The following NCAPG variants were observed in gnomAD, a reference collection of about 807,000 sequenced individuals.
NCAPG encodes the protein non-SMC condensin I complex subunit G, also known as condensin complex subunit 3.
Under a neutral mutation model 113.1 loss-of-function variants are expected in NCAPG, and 69 were observed. The observed-to-expected ratio is 0.61, with a 90% CI of 0.50 to 0.75. NCAPG has a LOEUF of 0.75. NCAPG is among the 30% of genes least tolerant of loss of function. The pLI is 0.00. For missense variants in NCAPG, 1,058 were observed against 1,177.0 expected, an observed-to-expected ratio of 0.90 and a Z score of 1.48; for synonymous variants, 370 against 415.8, an observed-to-expected ratio of 0.89 and a Z score of 1.34.
Position 17,822,995 on chromosome 4 carries a change from C to A in NCAPG, c.1131C>A (p.Ser377Arg), listed in dbSNP as rs140495266. Residue 377 changes from serine to arginine, a missense_variant, in exon 8 of 21, where the codon AGC becomes AGA. Ser to Arg is a moderately radical substitution (Grantham distance 110). Coordinates refer to ENST00000251496, the MANE Select transcript of NCAPG (RefSeq NM_022346.5). The stretch of plus-strand genomic sequence containing the variant: ...CTGCTTGTTTTAGTTACATCCAGAG[C>A]ATTCCAGTTGTTAATGAAGAACACA... Reference protein sequence around the residue: ...YADYLLSYIQSIPVVNEEHRG... With the variant: ...YADYLLSYIQRIPVVNEEHRG... 1 of 1,600,794 alleles carries A rather than the reference C, an allele frequency of 6.2e-7. No individual in the cohort carries two copies. Among genetic ancestry groups the A allele is most frequent in the East Asian group, 2.3e-5 (1 of 44,260 alleles).
At chr4:17,829,725 A>T (rs1721790130) in intron 12 of NCAPG, among the ~76,000 whole-genome samples, 1 of 152,246 alleles carries the variant, frequency 6.6e-6, no homozygotes, top group Non-Finnish European at 1.5e-5. Context: ...TTAATTATTC[A>T]TTGGGAAAAT....
intron 9 of NCAPG, 115 bp downstream of exon 9, chr4:17,823,885 T>G: frequency 1.3e-6 from 1 of 793,750 alleles, no homozygotes. Flanking sequence ...TTCGTCTCTT[T>G]AATGAGTTTT....
At chr4:17,818,282 A>G (rs1324652302) in intron 7 of NCAPG, among the ~76,000 whole-genome samples, 194 bp downstream of exon 7, 1 of 152,198 alleles carries the variant, frequency 6.6e-6, no homozygotes, top group Non-Finnish European at 1.5e-5. Flanking sequence ...GCAAGTCACT[A>G]TGTTTAGGAT....
chr4:17,814,805 TTAAA>T (rs755720679), intron 3 of NCAPG, 44 bp from the exon 4 acceptor site: 42 of 1,553,436 alleles, frequency 2.7e-5, no homozygotes, highest in African/African-American at 4.1e-5. Flanking sequence ...ATGACTGTAG[TTAAA>T]TAAATAATTT....
chr4:17,840,769 GTTTTC>G (rs1560234420), intron 19 of NCAPG, 76 bp downstream of exon 19: 2 of 943,408 alleles, frequency 2.1e-6, no homozygotes, highest in Non-Finnish European at 3.0e-6. Context: ...TGTTTTGCAA[GTTTTC>G]TTATCTTTGT....
At position 17,811,428 on chromosome 4, in the gene NCAPG, G is replaced by T. The variant is rs1156282785; in HGVS notation, c.111+240G>T. On this transcript the variant is annotated intron_variant, in intron 1 of 20. Coordinates refer to ENST00000251496, the MANE Select transcript of NCAPG (RefSeq NM_022346.5). This position sits in a 1 kb window ranked among gnomAD's most constrained non-coding sequence, Gnocchi z 5.3. ...ACACGGGCCCCGCCTTGGCTTTTCT[G>T]AGCCGACACCCCCAGCTTCTGGGCG... is the stretch of plus-strand genomic sequence containing the variant. Among the ~76,000 whole-genome samples the T allele has an allele frequency of 1.3e-5, 2 of 152,222 alleles. No homozygotes were observed. Among genetic ancestry groups the T allele is most frequent in the African/African-American group, 4.8e-5 (2 of 41,462 alleles).
chr4:17,821,457 C>CTTT (rs34483824), intron 7 of NCAPG, among the ~76,000 whole-genome samples: 2 of 104,486 alleles, frequency 1.9e-5, no homozygotes, highest in African/African-American at 3.6e-5. Flanking sequence ...TCACCCCCGC[C>CTTT]TTTTTTTTTT....
At chr4:17,828,440 G>A in intron 12 of NCAPG, 52 bp downstream of exon 12, 1 of 993,166 alleles carries the variant, frequency 1.0e-6, no homozygotes, top group Non-Finnish European at 1.5e-6. Flanking sequence ...TTCTTATTTT[G>A]TAAGTGATAT....
At chr4:17,840,371 G>A (rs534527494) in intron 18 of NCAPG, among the ~76,000 whole-genome samples, 162 bp downstream of exon 18, 2 of 151,578 alleles carry the variant, frequency 1.3e-5, no homozygotes, top group Non-Finnish European at 2.9e-5. Context: ...ACTGATAAAT[G>A]TTTATTCTGC....
rs1414297800 is a variant in NCAPG at position 17,844,260 on chromosome 4, T to C, written c.*835T>C. ...ATTTCTTGTCTTTTGAAATTGACAC[T>C]TGGCCTGACTTACGAAACTTGTACT... On this transcript the variant is annotated 3_prime_UTR_variant, in exon 21 of 21. Transcript: ENST00000251496. The C allele has an allele frequency of 6.6e-6, 1 of 152,436 alleles. No homozygotes were observed. The highest frequency in any genetic ancestry group is 1.5e-5 in the Non-Finnish European group (1 of 67,870). The allele number at this position is 152,436 out of a possible 1,614,324, so 9.4% of individuals were successfully genotyped here. A position where few individuals can be genotyped will look rare whatever the true frequency, so the allele number is the denominator to read the frequency against.
At chr4:17,822,960 T>G (rs1721519128) in intron 7 of NCAPG, 23 bp from the exon 8 acceptor site, 10 of 1,556,312 alleles carry the variant, frequency 6.4e-6, no homozygotes, top group African/African-American at 1.4e-5. Flanking sequence ...AAGATTCTAC[T>G]TTATTAATTC....
rs758832065 is a variant in NCAPG, at chr4:17,842,314, G to T, written c.2859G>T (p.Gln953His). 1 of 1,611,816 alleles carries T rather than the reference G, an allele frequency of 6.2e-7. No homozygotes were observed. The highest frequency in any genetic ancestry group is 8.5e-7 in the Non-Finnish European group (1 of 1,178,280). Reference sequence around the variant, plus strand: ...ATGAATTATACTATCTTCAAGGACAGAGAAAAGTGACAGTTTCAGCTAGGA... The same window carrying T: ...ATGAATTATACTATCTTCAAGGACATAGAAAAGTGACAGTTTCAGCTAGGA... ...KSTQLKTNRG[Q>H]RKVTVSARTN... Residue 953 changes from glutamine to histidine, a missense_variant, in exon 20 of 21, where the codon CAG becomes CAT. Gln to His is a conservative substitution (Grantham distance 24, BLOSUM62 0). Coordinates refer to ENST00000251496, the MANE Select transcript of NCAPG (RefSeq NM_022346.5).
Position 17,813,100 on chromosome 4 carries a change from T to C in NCAPG, c.499T>C (p.Ser167Pro). 1 of 1,614,108 alleles carries C rather than the reference T, an allele frequency of 6.2e-7. No individual in the cohort carries two copies. The highest frequency in any genetic ancestry group is 8.5e-7 in the Non-Finnish European group (1 of 1,179,952). ...GAGAATACAGGCAGTTCTGGCGCTT[T>C]CACGACTTCAGGATCCCAAGGATGA... ...NVRIQAVLAL[S>P]RLQDPKDDEC... The change falls in exon 3 of 21, where the codon TCA (serine) becomes CCA (proline). Residue 167 changes from serine to proline, a missense_variant. By Grantham distance (74) the Ser-to-Pro change is moderately conservative (BLOSUM62 -1). Coordinates refer to ENST00000251496, the MANE Select transcript of NCAPG (RefSeq NM_022346.5).
At position 17,811,606 on chromosome 4, in the gene NCAPG, A is replaced by C. The variant is rs547001217; in HGVS notation, c.111+418A>C. 2.6e-5 allele frequency among the ~76,000 whole-genome samples: 4 copies of C among 152,346 alleles called. No homozygotes were observed. In the East Asian group the frequency reaches 7.7e-4, roughly 29 times the overall value. On this transcript the variant is annotated intron_variant, in intron 1 of 20. Transcript: ENST00000251496. This position sits in a 1 kb window ranked among gnomAD's most constrained non-coding sequence, Gnocchi z 5.3. The stretch of plus-strand genomic sequence containing the variant: ...CCCTGGGGTCATCGCTCCCCGCCGA[A>C]CATCAAATGATTCTACCCTTGTCCT...
chr4:17,814,755 C>T (rs77885073), intron 3 of NCAPG, 98 bp from the exon 4 acceptor site: 168,491 of 1,322,714 alleles, frequency 0.13, 11,858 homozygotes, highest in South Asian at 0.23. Flanking sequence ...ATCTTTATCA[C>T]ATTAAAGGCA....
At chr4:17,830,001 C>G (rs1366103234) in intron 12 of NCAPG, among the ~76,000 whole-genome samples, 1 of 152,124 alleles carries the variant, frequency 6.6e-6, no homozygotes, top group African/African-American at 2.4e-5. Flanking sequence ...GTAGACATTA[C>G]ATGTATGAAA....
intron 7 of NCAPG, among the ~76,000 whole-genome samples, chr4:17,822,389 A>G (rs1721494194): frequency 6.6e-6 from 1 of 151,716 alleles, no homozygotes; most frequent in South Asian, 2.1e-4. Flanking sequence ...ACAGGTTTTC[A>G]CCATCTTGGC....
chr4:17,831,665 A>T (rs1721875818), intron 13 of NCAPG, among the ~76,000 whole-genome samples: 1 of 152,162 alleles, frequency 6.6e-6, no homozygotes, highest in Non-Finnish European at 1.5e-5. Context: ...GAGAGGCAAG[A>T]ATAAGGGAAT....
At chr4:17,822,840 G>A (rs2109050899) in intron 7 of NCAPG, 143 bp from the exon 8 acceptor site, 1 of 521,496 alleles carries the variant, frequency 1.9e-6, no homozygotes. Flanking sequence ...ATAGAATTGA[G>A]TTTGTAGACC....
Sources: allele counts gnomAD v4.1 joint callset (sites outside exome capture counted in the v4.1 genomes callset), GRCh38; gene constraint gnomAD v4.1.1; non-coding constraint Gnocchi (gnomAD v3.1); transcripts MANE v1.5; gene names NCBI Gene and HGNC (gene_info 2026-07-23, HGNC 2026-07-21).